The following IQCJ variants were observed in gnomAD, a reference collection of about 807,000 sequenced individuals.
The protein encoded by IQCJ is IQ domain-containing protein J.
Under a neutral mutation model 11.0 loss-of-function variants are expected in IQCJ, and 9 were observed. That is an observed-to-expected ratio of 0.82 (90% CI 0.49 to 1.43). The LOEUF (loss-of-function observed/expected upper bound fraction) is 1.43, where lower values mean the gene tolerates loss of function less well. IQCJ is among the 40% of genes most tolerant of loss of function. The probability of loss-of-function intolerance (pLI) is 0.00; values close to 1 mark genes in which losing one functional copy is unlikely to be tolerated. For missense variants in IQCJ, 146 were observed against 133.2 expected (o/e 1.10, Z -0.47); for synonymous variants, 55 against 51.3 (o/e 1.07, Z -0.31).
chr3:159,120,407 T>C (rs919063141), intron 1 of IQCJ, among the ~76,000 whole-genome samples: 49 of 152,206 alleles, frequency 3.2e-4, no homozygotes, highest in African/African-American at 1.1e-3. Flanking sequence ...CACAATCAGC[T>C]GGAAGATGGG....
chr3:159,165,861 C>G (rs1722137975), intron 1 of IQCJ, among the ~76,000 whole-genome samples: 1 of 149,732 alleles, frequency 6.7e-6, no homozygotes, highest in Non-Finnish European at 1.5e-5. Context: ...CATCTCTTGA[C>G]CTCGTGATCT....
At chr3:159,188,226 C>T (rs936498678) in intron 1 of IQCJ, among the ~76,000 whole-genome samples, 1 of 152,126 alleles carries the variant, frequency 6.6e-6, no homozygotes, top group Non-Finnish European at 1.5e-5. Context: ...GCCTTGCCAA[C>T]ATGGTGAAAC....
intron 1 of IQCJ, among the ~76,000 whole-genome samples, chr3:159,088,931 T>C (rs920682795): frequency 2.0e-5 from 3 of 152,158 alleles, no homozygotes; most frequent in Non-Finnish European, 2.9e-5. Flanking sequence ...TTAAAGTTAA[T>C]ATTGTTATGT....
At chr3:159,082,747 G>T (rs16829875) in intron 1 of IQCJ, among the ~76,000 whole-genome samples, 29,282 of 152,032 alleles carry the variant, frequency 0.19, 3,498 homozygotes, top group South Asian at 0.35. Context: ...GTTTATGCAG[G>T]AGAGTGACAT....
intron 1 of IQCJ, among the ~76,000 whole-genome samples, chr3:159,079,637 A>G (rs1381387995): frequency 1.3e-5 from 2 of 152,132 alleles, no homozygotes; most frequent in Non-Finnish European, 2.9e-5. Flanking sequence ...GTTTTAACGA[A>G]AACTCTAAAG....
chr3:159,083,810 A>G (rs1412450795), intron 1 of IQCJ, among the ~76,000 whole-genome samples: 1 of 152,172 alleles, frequency 6.6e-6, no homozygotes, highest in East Asian at 1.9e-4. Context: ...ACAGTATCAA[A>G]AAATTATATA....
chr3:159,088,060 C>A (rs1046462729), intron 1 of IQCJ, among the ~76,000 whole-genome samples: 1 of 152,128 alleles, frequency 6.6e-6, no homozygotes, highest in East Asian at 1.9e-4. Context: ...GCATTTAATG[C>A]TATAAATTTC....
chr3:159,157,273 C>G (rs1042194817), intron 1 of IQCJ, among the ~76,000 whole-genome samples: 1 of 152,150 alleles, frequency 6.6e-6, no homozygotes, highest in African/African-American at 2.4e-5. Flanking sequence ...GTAATTGCAA[C>G]GAACTATGGT....
At chr3:159,241,129 G>A (rs1168184488) in intron 1 of IQCJ, among the ~76,000 whole-genome samples, 1 of 151,928 alleles carries the variant, frequency 6.6e-6, no homozygotes, top group Non-Finnish European at 1.5e-5. Flanking sequence ...AGAGAATCTG[G>A]CCAGGAGCAG....
chr3:159,091,266 G>C (rs6441250), intron 1 of IQCJ, among the ~76,000 whole-genome samples: 6 of 151,728 alleles, frequency 4.0e-5, no homozygotes, highest in Non-Finnish European at 5.9e-5. Flanking sequence ...ACTGGGTGCC[G>C]TATTAACAAC....
intron 1 of IQCJ, among the ~76,000 whole-genome samples, chr3:159,150,456 A>G (rs769924330): frequency 7.9e-5 from 12 of 152,076 alleles, no homozygotes; most frequent in Non-Finnish European, 1.3e-4. Context: ...GGCCTGTGCT[A>G]TGCTGTGAAA....
intron 1 of IQCJ, among the ~76,000 whole-genome samples, chr3:159,086,630 C>T (rs1296690768): frequency 2.0e-5 from 3 of 151,456 alleles, no homozygotes; most frequent in Non-Finnish European, 4.4e-5. Flanking sequence ...AGAGGTCCTT[C>T]ACATCCCTTG....
At chr3:159,208,254 A>C (rs1234937955) in intron 1 of IQCJ, among the ~76,000 whole-genome samples, 1 of 152,160 alleles carries the variant, frequency 6.6e-6, no homozygotes, top group Non-Finnish European at 1.5e-5. Flanking sequence ...CTTTGCTCCC[A>C]ACCTCATCCC....
intron 1 of IQCJ, among the ~76,000 whole-genome samples, chr3:159,160,994 G>A (rs369132079): frequency 3.3e-5 from 5 of 152,008 alleles, no homozygotes; most frequent in East Asian, 1.9e-4. Context: ...ATAAACATAC[G>A]TGTGCATGTG....
intron 1 of IQCJ, among the ~76,000 whole-genome samples, chr3:159,073,530 T>G (rs1053611321): frequency 2.8e-4 from 42 of 152,054 alleles, no homozygotes; most frequent in Non-Finnish European, 8.8e-5. Context: ...TCTCACCCAG[T>G]CCCCAGAACC....
intron 1 of IQCJ, among the ~76,000 whole-genome samples, chr3:159,163,327 T>C (rs1721980325): frequency 6.6e-6 from 1 of 152,110 alleles, no homozygotes; most frequent in African/African-American, 2.4e-5. Flanking sequence ...AAAAACCACA[T>C]GACTATCTCA....
chr3:159,184,141 C>T (rs1464966494), intron 1 of IQCJ, among the ~76,000 whole-genome samples: 1 of 152,018 alleles, frequency 6.6e-6, no homozygotes, highest in East Asian at 1.9e-4. Context: ...CACCCCCGCT[C>T]ACCTCTCCAT....
intron 1 of IQCJ, among the ~76,000 whole-genome samples, chr3:159,208,764 T>A (rs1049119395): frequency 9.9e-5 from 15 of 152,248 alleles, no homozygotes; most frequent in Admixed American, 9.8e-4. Context: ...GGAAAAAGAA[T>A]CTTTGCAGAC....
intron 1 of IQCJ, among the ~76,000 whole-genome samples, chr3:159,151,305 G>C (rs1016254082): frequency 3.3e-5 from 5 of 152,200 alleles, no homozygotes; most frequent in African/African-American, 1.2e-4. Flanking sequence ...ATGCCAGCCG[G>C]CCCTGTGCTT....
Sources: allele counts gnomAD v4.1 joint callset (sites outside exome capture counted in the v4.1 genomes callset), GRCh38; gene constraint gnomAD v4.1.1; transcripts MANE v1.5; gene names NCBI Gene and HGNC (gene_info 2026-07-23, HGNC 2026-07-21).